SSU72: variants seen among roughly 807,000 people sequenced by gnomAD.
SSU72 encodes RNA polymerase II subunit A C-terminal domain phosphatase SSU72.
A neutral mutation model predicts 22.7 loss-of-function variants in SSU72; 12 were observed. The ratio of observed to expected loss-of-function variants is 0.53; its 90% CI spans 0.34 to 0.86. SSU72 has a LOEUF of 0.86. SSU72 is among the 40% of genes least tolerant of loss of function. The pLI, the probability that SSU72 is intolerant of heterozygous loss-of-function variation, is 0.02. For synonymous variants in SSU72, 116 were observed against 98.3 expected (o/e 1.18, Z -1.06); for missense variants, 151 against 249.8 (o/e 0.60, Z 2.67).
At chr1:1,544,612 G>C (rs1311906818) in intron 3 of SSU72, 2 of 546,940 alleles carry the variant, frequency 3.7e-6, no homozygotes, top group African/African-American at 3.8e-5. Flanking sequence ...GCACGACTCT[G>C]TCTCAAAAAA....
At chr1:1,560,437 C>T (rs1216458231) in intron 2 of SSU72, among the ~76,000 whole-genome samples, 1 of 152,212 alleles carries the variant, frequency 6.6e-6, no homozygotes, top group Non-Finnish European at 1.5e-5. Context: ...GCTCGTCTAA[C>T]TTTACCGAAG....
intron 2 of SSU72, among the ~76,000 whole-genome samples, chr1:1,558,297 T>G (rs1642545025): frequency 1.3e-5 from 2 of 151,702 alleles, no homozygotes; most frequent in East Asian, 3.9e-4. Context: ...GAGTCTGGGA[T>G]GCCCAGGCTG....
rs1310522275 is a variant in SSU72 at position 1,543,990 on chromosome 1, G to C, written c.365-3C>G. On this transcript the variant is annotated splice_region_variant and splice_polypyrimidine_tract_variant and intron_variant, in intron 3 of 4. Transcript: ENST00000291386. Reference sequence around the variant, plus strand: ...CTCCTGTTCTCTGGAATTCAGATCTGATTGGGACAAGGTGACACAGACGTC... The same window carrying C: ...CTCCTGTTCTCTGGAATTCAGATCTCATTGGGACAAGGTGACACAGACGTC... 1 of 1,609,764 alleles carries C rather than the reference G, an allele frequency of 6.2e-7. No individual in the cohort carries two copies. The highest frequency in any genetic ancestry group is 1.3e-5 in the African/African-American group (1 of 74,884).
Position 1,554,768 on chromosome 1 carries a change from C to T in SSU72, c.225-9766G>A, listed in dbSNP as rs1642499757. The stretch of plus-strand genomic sequence containing the variant: ...AGCCATGTCAGGTGCAGCACGCTGG[C>T]CACAGGCACTGGAGCCACGAAAGCA... On this transcript the variant is annotated intron_variant, in intron 2 of 4. Coordinates refer to ENST00000291386, the MANE Select transcript of SSU72 (RefSeq NM_014188.3). The surrounding 1 kb of genome is among the most constrained non-coding windows in gnomAD (Gnocchi z 4.1). Among the ~76,000 whole-genome samples the T allele has an allele frequency of 6.6e-6, 1 of 152,122 alleles. No homozygotes were observed. Among genetic ancestry groups the T allele is most frequent in the South Asian group, 2.1e-4 (1 of 4,826 alleles).
At chr1:1,547,734 G>A (rs1642409432) in intron 2 of SSU72, among the ~76,000 whole-genome samples, 1 of 152,254 alleles carries the variant, frequency 6.6e-6, no homozygotes, top group African/African-American at 2.4e-5. Context: ...GGGCCACGGG[G>A]AGGCTGAGCA....
chr1:1,544,740 A>G, intron 3 of SSU72, 123 bp downstream of exon 3: 1 of 1,406,330 alleles, frequency 7.1e-7, no homozygotes, highest in Non-Finnish European at 1.0e-6. Flanking sequence ...CTTCACACTC[A>G]GGTCTGCTCC....
intron 1 of SSU72, among the ~76,000 whole-genome samples, chr1:1,569,808 T>C (rs1370963324): frequency 6.6e-6 from 1 of 152,042 alleles, no homozygotes; most frequent in Non-Finnish European, 1.5e-5. Context: ...AGGCCCAAAA[T>C]TTTTAAAAGG....
intron 2 of SSU72, among the ~76,000 whole-genome samples, chr1:1,550,062 CA>C (rs1281977209): frequency 9.7e-6 from 1 of 103,200 alleles, no homozygotes; most frequent in East Asian, 7.8e-4. Flanking sequence ...CCTGTGATTC[CA>C]GCCTCCTCCG....
chr1:1,574,590 T>C lies in SSU72; in HGVS notation c.-33A>G, dbSNP rs781706092. The C allele has an allele frequency of 6.9e-5, 108 of 1,572,840 alleles. No individual in the cohort carries two copies. Among genetic ancestry groups the C allele is most frequent in the Middle Eastern group, 1.7e-4 (1 of 5,880 alleles). On this transcript the variant is annotated 5_prime_UTR_variant, in exon 1 of 5. Transcript: ENST00000291386. Reference sequence around the variant, plus strand: ...GCCGCAAATCCCGCGGCTCTCCCGCTTGGGTTCCCACCCTACCGCGGCGCT... The same window carrying C: ...GCCGCAAATCCCGCGGCTCTCCCGCCTGGGTTCCCACCCTACCGCGGCGCT...
rs569456189 is a variant in SSU72, at chr1:1,559,974, C to T, written c.224+4799G>A. 5.3e-5 allele frequency among the ~76,000 whole-genome samples: 8 copies of T among 152,290 alleles called. No homozygotes were observed. In the East Asian group the frequency reaches 1.5e-3, roughly 29 times the overall value. ...TCTCGACCTTGGGTGATCCGCCCAC[C>T]TCGGCCTCCCAAAGTGCTGGGATTA... On this transcript the variant is annotated intron_variant, in intron 2 of 4. Transcript: ENST00000291386.
intron 2 of SSU72, among the ~76,000 whole-genome samples, chr1:1,560,002 G>A (rs1013107142): frequency 2.0e-5 from 3 of 152,148 alleles, no homozygotes; most frequent in Admixed American, 1.3e-4. Flanking sequence ...TGGGATTACA[G>A]GCATGTGCCA....
At position 1,542,190 on chromosome 1, in the gene SSU72, A is replaced by G. The variant is rs1472647279; in HGVS notation, c.484-23T>C. The G allele has an allele frequency of 1.9e-6, 3 of 1,561,150 alleles. No individual in the cohort carries two copies. The East Asian group carries it at 7.1e-5, about 37-fold the overall frequency. ...GATCTGCAAGGACAGGACCGTGGTG[A>G]GGGCCTTGCCCACTCCTGCCTGTCT... is the stretch of plus-strand genomic sequence containing the variant. On this transcript the variant is annotated intron_variant, in intron 4 of 4. Transcript: ENST00000291386. This position sits in a 1 kb window ranked among gnomAD's most constrained non-coding sequence, Gnocchi z 4.4.
chr1:1,544,351 C>T (rs1177887892), intron 3 of SSU72, among the ~76,000 whole-genome samples: 3 of 152,210 alleles, frequency 2.0e-5, no homozygotes, highest in Non-Finnish European at 4.4e-5. Context: ...GGCGCGGTGG[C>T]TCTCGCCTGT....
chr1:1,562,855 T>C (rs959285882), intron 2 of SSU72: 21 of 152,298 alleles, frequency 1.4e-4, no homozygotes, highest in African/African-American at 4.3e-4. Flanking sequence ...AAACGCAGGT[T>C]ACCAGGGCTT....
At chr1:1,553,733 G>A (rs1642482821) in intron 2 of SSU72, among the ~76,000 whole-genome samples, 1 of 151,730 alleles carries the variant, frequency 6.6e-6, no homozygotes, top group South Asian at 2.1e-4. Context: ...AGAGCTTGCG[G>A]TGAGCCGAGA....
chr1:1,542,209 C>T lies in SSU72; in HGVS notation c.484-42G>A, dbSNP rs768703282. On this transcript the variant is annotated intron_variant, in intron 4 of 4. Coordinates refer to ENST00000291386, the MANE Select transcript of SSU72 (RefSeq NM_014188.3). The surrounding 1 kb of genome is among the most constrained non-coding windows in gnomAD (Gnocchi z 4.4). ...GTGGTGAGGGCCTTGCCCACTCCTG[C>T]CTGTCTGCTCCCCCTAACACCTGGA... is the stretch of plus-strand genomic sequence containing the variant. 1.4e-5 allele frequency: 22 copies of T among 1,533,816 alleles called. No homozygotes were observed. In the East Asian group the frequency reaches 5.3e-4, roughly 37 times the overall value.
chr1:1,541,864 T>C lies in SSU72; in HGVS notation c.*202A>G, dbSNP rs7290. On this transcript the variant is annotated 3_prime_UTR_variant, in exon 5 of 5. Transcript: ENST00000291386. The stretch of plus-strand genomic sequence containing the variant: ...AAGAAAAACTTTGTAATCAATATCC[T>C]GCTCATAAGTAAAAGTGGAAAAGAA... 0.43 allele frequency: 242,679 copies of C among 569,272 alleles called. 65,537 individuals are homozygous for C. Among genetic ancestry groups the C allele is most frequent in the East Asian group, 0.85 (28,013 of 33,008 alleles). The allele number at this position is 569,272 out of a possible 1,614,324, so 35.3% of individuals were successfully genotyped here. A position where few individuals can be genotyped will look rare whatever the true frequency, so the allele number is the denominator to read the frequency against.
At chr1:1,557,270 G>A (rs1309212567) in intron 2 of SSU72, among the ~76,000 whole-genome samples, 2 of 152,012 alleles carry the variant, frequency 1.3e-5, no homozygotes, top group Non-Finnish European at 1.5e-5. Flanking sequence ...AAAATTAGCC[G>A]GGTGTGGCAG....
rs541961627 is a variant in SSU72, at chr1:1,549,505, C to T, written c.225-4503G>A. On this transcript the variant is annotated intron_variant, in intron 2 of 4. Coordinates refer to ENST00000291386, the MANE Select transcript of SSU72 (RefSeq NM_014188.3). ...CCGCACTCCAGCCTGGGGGACAGAG[C>T]GAGACTCTGTCTCAAAAAAAAAAAA... Among the ~76,000 whole-genome samples, 8 of 145,050 alleles carry T rather than the reference C, an allele frequency of 5.5e-5. No individual in the cohort carries two copies. In the South Asian group the frequency reaches 6.5e-4, roughly 12 times the overall value.
Sources: gnomAD v4.1 joint callset for allele counts (sites outside exome capture counted in the v4.1 genomes callset) on GRCh38, gnomAD v4.1.1 for gene constraint, Gnocchi (gnomAD v3.1) non-coding constraint, MANE v1.5 for transcripts, NCBI Gene and HGNC (gene_info 2026-07-23, HGNC 2026-07-21) for gene names.